Variants in UBR3 observed in about 807,000 individuals in gnomAD.
UBR3 encodes E3 ubiquitin-protein ligase UBR3.
In UBR3, 85 loss-of-function variants were observed where a neutral mutation model predicts 243.2. The ratio of observed to expected loss-of-function variants is 0.35; its 90% CI spans 0.29 to 0.42. The LOEUF is 0.42. UBR3 is among the 10% of genes least tolerant of loss of function. The pLI, the probability that UBR3 is intolerant of heterozygous loss-of-function variation, is 1.00. For synonymous variants in UBR3, 748 were observed against 799.8 expected (o/e 0.94, Z 1.09); for missense variants, 1,686 against 2,300.8 (o/e 0.73, Z 5.47).
chr2:170,050,601 T>C (rs554655716), intron 32 of UBR3, among the ~76,000 whole-genome samples: 1 of 152,330 alleles, frequency 6.6e-6, no homozygotes, highest in South Asian at 2.1e-4. Flanking sequence ...TTTGTTGTTA[T>C]TGTAGTTTTT....
chr2:169,827,454 A>G lies in UBR3; in HGVS notation c.-54A>G. On this transcript the variant is annotated 5_prime_UTR_variant, in exon 1 of 39. Transcript: ENST00000272793. ...AGCAATCGCAGCAGTCTATTCCCTC[A>G]CTCTCCCTGGAGGAGCCGCTGGCCC... 3.3e-6 allele frequency: 4 copies of G among 1,215,138 alleles called. No individual in the cohort carries two copies. In the South Asian group the frequency reaches 1.3e-4, roughly 39 times the overall value. The allele number at this position is 1,215,138 out of a possible 1,614,324, so 75.3% of individuals were successfully genotyped here.
At chr2:169,872,165 T>C (rs541391541) in intron 1 of UBR3, 71 bp from the exon 2 acceptor site, 2 of 1,114,474 alleles carry the variant, frequency 1.8e-6, no homozygotes, top group Non-Finnish European at 2.4e-6. Context: ...TTTACGAATA[T>C]TGTAAATAGA....
intron 25 of UBR3, among the ~76,000 whole-genome samples, chr2:169,989,178 G>T (rs962078730): frequency 6.6e-6 from 1 of 152,092 alleles, no homozygotes; most frequent in African/African-American, 2.4e-5. Context: ...CAGTGTTTCT[G>T]TTAAAAAGAA....
chr2:169,872,192 C>G, intron 1 of UBR3, 44 bp from the exon 2 acceptor site: 1 of 1,273,922 alleles, frequency 7.8e-7, no homozygotes, highest in Non-Finnish European at 1.0e-6. Flanking sequence ...ATATTTTTAG[C>G]TGATTAGACA....
intron 35 of UBR3, 106 bp downstream of exon 35, chr2:170,061,549 C>A: frequency 7.3e-7 from 1 of 1,368,374 alleles, no homozygotes; most frequent in Non-Finnish European, 1.0e-6. Context: ...CTTACTGCAA[C>A]CTCCGCCTGC....
intron 1 of UBR3, among the ~76,000 whole-genome samples, chr2:169,857,419 T>C (rs1248762480): frequency 6.6e-6 from 1 of 151,840 alleles, no homozygotes; most frequent in African/African-American, 2.4e-5. Context: ...CTTAAATTTA[T>C]TTATTTATTT....
At chr2:170,004,650 C>T (rs1459786120) in intron 27 of UBR3, among the ~76,000 whole-genome samples, 1 of 152,046 alleles carries the variant, frequency 6.6e-6, no homozygotes, top group Non-Finnish European at 1.5e-5. Context: ...GTGGCTCATG[C>T]CTATAATTTC....
In UBR3 at chr2:169,994,443, G is replaced by T; in HGVS notation, c.3905G>T (p.Arg1302Leu). Reference protein sequence around the residue: ...VHDVRLSLLQRYFKDSSCLLA... With the variant: ...VHDVRLSLLQLYFKDSSCLLA... ...GATGTGAGGCTTTCATTATTACAGCGTTATTTTAAGGATGTAAGTACTCTT... is the reference window on the plus strand; with the variant it reads ...GATGTGAGGCTTTCATTATTACAGCTTTATTTTAAGGATGTAAGTACTCTT... Residue 1302 changes from arginine (R) to leucine (L), a missense_variant, in exon 26 of 39, where the codon CGT becomes CTT. Physicochemically the swap from Arg to Leu is moderately radical, Grantham distance 102 (BLOSUM62 -2). This residue lies in a region of UBR3 where 156 missense variants were observed against 246.3 expected (regional missense o/e 0.63). Coordinates refer to ENST00000272793, the MANE Select transcript of UBR3 (RefSeq NM_172070.4). 1 of 1,613,912 alleles carries T rather than the reference G, an allele frequency of 6.2e-7. No individual in the cohort carries two copies. The highest frequency in any genetic ancestry group is 8.5e-7 in the Non-Finnish European group (1 of 1,179,858).
intron 24 of UBR3, among the ~76,000 whole-genome samples, chr2:169,966,901 A>G (rs1489157787): frequency 1.3e-5 from 2 of 152,152 alleles, no homozygotes. Context: ...AATATTAATG[A>G]TAATAAACAT....
At chr2:169,884,663 G>A (rs189198757) in intron 5 of UBR3, among the ~76,000 whole-genome samples, 2 of 152,148 alleles carry the variant, frequency 1.3e-5, no homozygotes, top group Admixed American at 6.5e-5. Context: ...ATTTTATTAG[G>A]ACTAATGGCC....
At chr2:169,936,169 T>G (rs1279146334) in intron 19 of UBR3, among the ~76,000 whole-genome samples, 2 of 152,058 alleles carry the variant, frequency 1.3e-5, no homozygotes, top group African/African-American at 4.8e-5. Flanking sequence ...AAGCGATACA[T>G]CCGCCTCAGC....
In UBR3 at chr2:169,900,408, A is replaced by G. The variant is rs576804686; in HGVS notation, c.1465+3673A>G. ...TGGATATTAGCCCTTTGTCAGATGG[A>G]TAGATTGCAAAAATGTTCTCCCATT... is the stretch of plus-strand genomic sequence containing the variant. On this transcript the variant is annotated intron_variant, in intron 8 of 38. Transcript: ENST00000272793. Among the ~76,000 whole-genome samples, 3 of 152,168 alleles carry G rather than the reference A, an allele frequency of 2.0e-5. No individual in the cohort carries two copies. The South Asian group carries it at 6.2e-4, about 32-fold the overall frequency.
chr2:170,003,564 T>A (rs1195833002), intron 27 of UBR3, among the ~76,000 whole-genome samples: 2 of 152,152 alleles, frequency 1.3e-5, no homozygotes, highest in Non-Finnish European at 2.9e-5. Flanking sequence ...CTTCCCTCAA[T>A]GAGTTTACTA....
chr2:169,906,862 A>G (rs921843584), intron 10 of UBR3, among the ~76,000 whole-genome samples: 5 of 152,238 alleles, frequency 3.3e-5, no homozygotes, highest in Middle Eastern at 6.8e-3. Context: ...ACAAAGTGAA[A>G]GAGAAATGGG....
At chr2:169,855,418 T>C (rs1489120278) in intron 1 of UBR3, among the ~76,000 whole-genome samples, 2 of 152,114 alleles carry the variant, frequency 1.3e-5, no homozygotes, top group African/African-American at 4.8e-5. Context: ...GGCAGGGTCA[T>C]AGGACAATAG....
chr2:169,936,514 C>A (rs2086336809), intron 19 of UBR3, among the ~76,000 whole-genome samples: 1 of 150,360 alleles, frequency 6.7e-6, no homozygotes, highest in East Asian at 1.9e-4. Flanking sequence ...GATGCGTTTT[C>A]TTTTTATTAT....
At chr2:170,067,335 C>T (rs1012426210) in intron 35 of UBR3, among the ~76,000 whole-genome samples, 16 of 152,032 alleles carry the variant, frequency 1.1e-4, no homozygotes, top group Non-Finnish European at 2.1e-4. Flanking sequence ...TAATTGTAAA[C>T]ATATATGCAC....
intron 1 of UBR3, among the ~76,000 whole-genome samples, chr2:169,842,686 C>T (rs930881155): frequency 1.3e-5 from 2 of 152,142 alleles, no homozygotes; most frequent in African/African-American, 4.8e-5. Context: ...TAGCTTCACT[C>T]CTGAGCCAGC....
chr2:169,867,006 G>A (rs1218455139), intron 1 of UBR3, among the ~76,000 whole-genome samples: 1 of 151,984 alleles, frequency 6.6e-6, no homozygotes, highest in African/African-American at 2.4e-5. Context: ...GGTCCTTGAA[G>A]CAAAAAAGAA....
Sources: gnomAD v4.1 joint callset for allele counts (sites outside exome capture counted in the v4.1 genomes callset) on GRCh38, gnomAD v4.1.1 for gene constraint, gnomAD v4.1.1 regional missense constraint, MANE v1.5 for transcripts, NCBI Gene and HGNC (gene_info 2026-07-23, HGNC 2026-07-21) for gene names.